Variants in EPHA6 observed in about 807,000 individuals in gnomAD.
EPHA6 encodes ephrin type-A receptor 6.
Under a neutral mutation model 112.0 loss-of-function variants are expected in EPHA6, and 50 were observed. The observed-to-expected ratio is 0.45, with a 90% CI of 0.36 to 0.56. The LOEUF (loss-of-function observed/expected upper bound fraction) is 0.56. EPHA6 is among the 20% of genes least tolerant of loss of function. The pLI, the probability that EPHA6 is intolerant of heterozygous loss-of-function variation, is 0.00. For missense variants in EPHA6, 1,280 were observed against 1,417.4 expected (o/e 0.90, Z 1.56); for synonymous variants, 529 against 490.7 (o/e 1.08, Z -1.03).
chr3:96,855,330 G>A (rs2035631139), intron 1 of EPHA6, among the ~76,000 whole-genome samples: 1 of 152,106 alleles, frequency 6.6e-6, no homozygotes, highest in Non-Finnish European at 1.5e-5. Flanking sequence ...AGGTTCCTAG[G>A]ATCAGGATAT....
At chr3:96,975,488 T>C (rs1002397903) in intron 2 of EPHA6, among the ~76,000 whole-genome samples, 1 of 152,192 alleles carries the variant, frequency 6.6e-6, no homozygotes, top group Non-Finnish European at 1.5e-5. Flanking sequence ...CTTATTGTTA[T>C]TATGAAAATA....
chr3:97,745,496 TA>T (rs982404791), intron 16 of EPHA6: 1 of 384,956 alleles, frequency 2.6e-6, no homozygotes, highest in African/African-American at 2.1e-5. Flanking sequence ...TGAGTAGTGT[TA>T]AAAAGGACAG....
At chr3:97,296,884 C>G (rs1163428308) in intron 5 of EPHA6, among the ~76,000 whole-genome samples, 2 of 152,298 alleles carry the variant, frequency 1.3e-5, no homozygotes, top group East Asian at 3.9e-4. Context: ...CATCATCCCA[C>G]TGTAGTCCTC....
At chr3:97,429,114 ACACATAATT>A (rs1341491611) in intron 6 of EPHA6, among the ~76,000 whole-genome samples, 1 of 152,116 alleles carries the variant, frequency 6.6e-6, no homozygotes, top group African/African-American at 2.4e-5. Context: ...TTCCATAACA[ACACATAATT>A]CTTGGTAATA....
chr3:96,825,274 T>C (rs1236024431), intron 1 of EPHA6, among the ~76,000 whole-genome samples: 1 of 151,832 alleles, frequency 6.6e-6, no homozygotes, highest in African/African-American at 2.4e-5. Context: ...GCTTTTTTTT[T>C]TAAAGCTTTA....
At chr3:97,724,861 C>T (rs75304723) in intron 15 of EPHA6, among the ~76,000 whole-genome samples, 1 of 151,914 alleles carries the variant, frequency 6.6e-6, no homozygotes, top group African/African-American at 2.4e-5. Flanking sequence ...TATCCCCACC[C>T]CCAAATAGAA....
intron 1 of EPHA6, among the ~76,000 whole-genome samples, chr3:96,832,708 C>T (rs1468417180): frequency 6.6e-6 from 1 of 151,960 alleles, no homozygotes; most frequent in Non-Finnish European, 1.5e-5. Flanking sequence ...AACTCTGTAA[C>T]AAAATCAATA....
intron 3 of EPHA6, among the ~76,000 whole-genome samples, chr3:97,136,737 T>C (rs2075779264): frequency 6.6e-6 from 1 of 152,148 alleles, no homozygotes; most frequent in South Asian, 2.1e-4. Context: ...ATGCATAGAA[T>C]AGTGTCTTTA....
At chr3:97,574,619 A>G (rs531345106) in intron 11 of EPHA6, among the ~76,000 whole-genome samples, 2 of 152,290 alleles carry the variant, frequency 1.3e-5, no homozygotes, top group Admixed American at 6.5e-5. Flanking sequence ...GTAGGGAAAA[A>G]TACTGCAATA....
intron 5 of EPHA6, among the ~76,000 whole-genome samples, chr3:97,332,175 G>A (rs2082833939): frequency 6.6e-6 from 1 of 152,106 alleles, no homozygotes; most frequent in South Asian, 2.1e-4. Context: ...TTTCTCAATA[G>A]ATGCAGAAAA....
intron 5 of EPHA6, among the ~76,000 whole-genome samples, chr3:97,363,014 CT>C (rs1017858083): frequency 6.7e-6 from 1 of 149,588 alleles, no homozygotes; most frequent in African/African-American, 2.4e-5. Flanking sequence ...GCAGGTTTTG[CT>C]TTTTCTAGAA....
chr3:97,504,560 G>A (rs2092198975), intron 10 of EPHA6, among the ~76,000 whole-genome samples: 1 of 152,112 alleles, frequency 6.6e-6, no homozygotes, highest in Non-Finnish European at 1.5e-5. Context: ...TTGCAGGCAT[G>A]TCTGAGCAAG....
chr3:97,542,951 T>C (rs1448932361), intron 11 of EPHA6, among the ~76,000 whole-genome samples: 2 of 152,236 alleles, frequency 1.3e-5, no homozygotes, highest in African/African-American at 4.8e-5. Flanking sequence ...TGTTTGATTT[T>C]TTCTTGTAAA....
intron 2 of EPHA6, among the ~76,000 whole-genome samples, chr3:96,961,831 G>A (rs752251155): frequency 6.6e-6 from 1 of 152,152 alleles, no homozygotes; most frequent in Non-Finnish European, 1.5e-5. Context: ...TTTAGTTGCA[G>A]TTTCCCCATA....
intron 14 of EPHA6, among the ~76,000 whole-genome samples, chr3:97,645,099 C>G (rs2107589386): frequency 6.6e-6 from 1 of 152,204 alleles, no homozygotes; most frequent in South Asian, 2.1e-4. Context: ...ATGTGAAAGT[C>G]AATGTGGCGA....
intron 2 of EPHA6, among the ~76,000 whole-genome samples, chr3:96,976,573 C>T (rs780322122): frequency 6.6e-6 from 1 of 152,028 alleles, no homozygotes; most frequent in Non-Finnish European, 1.5e-5. Context: ...ACTCTCTTTG[C>T]TATTAAAAAA....
At chr3:97,047,417 A>C (rs917902480) in intron 3 of EPHA6, among the ~76,000 whole-genome samples, 2 of 149,242 alleles carry the variant, frequency 1.3e-5, no homozygotes, top group African/African-American at 5.0e-5. Flanking sequence ...GGATAATGGC[A>C]TGAACCCAGG....
At chr3:97,700,982 C>A (rs1278678583) in intron 14 of EPHA6, among the ~76,000 whole-genome samples, 1 of 152,054 alleles carries the variant, frequency 6.6e-6, no homozygotes, top group Non-Finnish European at 1.5e-5. Context: ...GTCCAGGAGG[C>A]AGGTAGGTTG....
intron 13 of EPHA6, among the ~76,000 whole-genome samples, chr3:97,627,142 A>G (rs984981357): frequency 4.0e-5 from 6 of 151,892 alleles, no homozygotes; most frequent in African/African-American, 9.7e-5. Context: ...GGCTTGCCCA[A>G]TGTCAAACAG....
Sources: allele counts gnomAD v4.1 joint callset (sites outside exome capture counted in the v4.1 genomes callset), GRCh38; gene constraint gnomAD v4.1.1; transcripts MANE v1.5; gene names NCBI Gene and HGNC (gene_info 2026-07-23, HGNC 2026-07-21).